The following FAM107B variants were observed in gnomAD, a reference collection of about 807,000 sequenced individuals.
FAM107B encodes the protein family with sequence similarity 107 member B.
Under a neutral mutation model 31.5 loss-of-function variants are expected in FAM107B, and 21 were observed. The observed-to-expected ratio is 0.67, with a 90% confidence interval of 0.47 to 0.96. The LOEUF (loss-of-function observed/expected upper bound fraction) is 0.96, where lower values mean the gene tolerates loss of function less well. Among genes scored for constraint, FAM107B ranks in the 40% least tolerant of loss-of-function variants. FAM107B has a pLI of 0.00. For missense variants in FAM107B, 452 were observed against 377.1 expected (o/e 1.20, Z -1.64); for synonymous variants, 157 against 141.5 (o/e 1.11, Z -0.78).
intron 2 of FAM107B, among the ~76,000 whole-genome samples, chr10:14,646,276 T>C (rs1324513690): frequency 6.6e-6 from 1 of 152,178 alleles, no homozygotes; most frequent in African/African-American, 2.4e-5. Flanking sequence ...GCCTTTAGTG[T>C]ACCTGTCACC....
At chr10:14,724,509 A>G (rs1409747869) in intron 1 of FAM107B, among the ~76,000 whole-genome samples, 1 of 152,184 alleles carries the variant, frequency 6.6e-6, no homozygotes, top group Admixed American at 6.5e-5. Context: ...TTTGTAGGAA[A>G]TTTTGCAGAT....
intron 1 of FAM107B, among the ~76,000 whole-genome samples, chr10:14,723,009 G>A (rs1199854757): frequency 2.0e-5 from 3 of 152,098 alleles, no homozygotes; most frequent in Non-Finnish European, 4.4e-5. Flanking sequence ...TGAGGTAGGG[G>A]TCCAATGGCC....
chr10:14,520,977 G>A lies in FAM107B; in HGVS notation c.*213C>T, dbSNP rs547516740. On this transcript the variant is annotated 3_prime_UTR_variant, in exon 5 of 5. Coordinates refer to ENST00000181796, the MANE Select transcript of FAM107B (RefSeq NM_031453.4). ...ACACAGGTCCATCATTCCAACTTAC[G>A]TGCGGGGCACTGCCCTTCATTTGGC... The A allele has an allele frequency of 5.6e-5, 27 of 480,426 alleles. No individual in the cohort carries two copies. Among genetic ancestry groups the A allele is most frequent in the Admixed American group, 3.2e-4 (8 of 24,978 alleles). 29.8% of individuals were successfully genotyped at this position (480,426 alleles called of 1,614,324 possible).
chr10:14,534,272 G>A (rs950870744), intron 2 of FAM107B, among the ~76,000 whole-genome samples: 4 of 152,230 alleles, frequency 2.6e-5, no homozygotes, highest in East Asian at 1.9e-4. Flanking sequence ...GGGTGAACGG[G>A]CCGGAGCAAC....
At chr10:14,579,319 A>G (rs1011784111) in intron 2 of FAM107B, among the ~76,000 whole-genome samples, 2 of 152,256 alleles carry the variant, frequency 1.3e-5, no homozygotes, top group African/African-American at 4.8e-5. Context: ...GAATGAAAAC[A>G]AACTAAACTC....
chr10:14,766,771 A>AT (rs887076118), intron 1 of FAM107B, among the ~76,000 whole-genome samples: 3 of 151,500 alleles, frequency 2.0e-5, no homozygotes, highest in African/African-American at 7.3e-5. Flanking sequence ...GAAAATCTGA[A>AT]TAGACCTATA....
intron 2 of FAM107B, among the ~76,000 whole-genome samples, chr10:14,625,228 A>T (rs1384815259): frequency 1.0e-4 from 15 of 148,710 alleles, no homozygotes; most frequent in African/African-American, 1.5e-4. Flanking sequence ...TGTCTCAGAA[A>T]AAAAAAAAAA....
intron 2 of FAM107B, among the ~76,000 whole-genome samples, chr10:14,644,560 G>C (rs1158421473): frequency 6.6e-6 from 1 of 152,224 alleles, no homozygotes; most frequent in Non-Finnish European, 1.5e-5. Context: ...CTCAGAAAAT[G>C]TGAAAATATC....
intron 2 of FAM107B, among the ~76,000 whole-genome samples, chr10:14,535,887 CA>C (rs777947574): frequency 6.6e-6 from 1 of 152,348 alleles, no homozygotes; most frequent in Non-Finnish European, 1.5e-5. Flanking sequence ...TGGGAAATCC[CA>C]TGCTTACAGA....
At chr10:14,703,338 T>A (rs1455457481) in intron 1 of FAM107B, among the ~76,000 whole-genome samples, 1 of 151,128 alleles carries the variant, frequency 6.6e-6, no homozygotes, top group Non-Finnish European at 1.5e-5. Flanking sequence ...TTTTTTTTTT[T>A]TTTTTTCTGA....
intron 1 of FAM107B, among the ~76,000 whole-genome samples, chr10:14,683,456 G>C (rs903765639): frequency 2.0e-5 from 3 of 152,218 alleles, no homozygotes; most frequent in African/African-American, 7.2e-5. Context: ...TTCGTTGCAC[G>C]GTGGAAATTT....
intron 2 of FAM107B, among the ~76,000 whole-genome samples, chr10:14,562,924 C>T (rs1252678227): frequency 6.6e-6 from 1 of 152,226 alleles, no homozygotes; most frequent in East Asian, 1.9e-4. Flanking sequence ...AGAAATAGAA[C>T]TTGCCTGAGC....
intron 1 of FAM107B, among the ~76,000 whole-genome samples, chr10:14,696,414 C>A (rs1432741580): frequency 6.6e-6 from 1 of 152,104 alleles, no homozygotes; most frequent in Non-Finnish European, 1.5e-5. Context: ...AGGATTTTTG[C>A]ATCAGTATTC....
At chr10:14,717,923 CA>C (rs1162755418) in intron 1 of FAM107B, among the ~76,000 whole-genome samples, 1 of 152,164 alleles carries the variant, frequency 6.6e-6, no homozygotes, top group Non-Finnish European at 1.5e-5. Context: ...ATTCTGCTTA[CA>C]GCCCAGAGAA....
At chr10:14,558,854 A>G (rs1351976774) in intron 2 of FAM107B, among the ~76,000 whole-genome samples, 1 of 152,204 alleles carries the variant, frequency 6.6e-6, no homozygotes, top group Non-Finnish European at 1.5e-5. Context: ...CAAAAGCTCT[A>G]TATGAAGGGG....
intron 2 of FAM107B, among the ~76,000 whole-genome samples, chr10:14,599,092 A>G (rs1011298588): frequency 6.6e-6 from 1 of 152,222 alleles, no homozygotes; most frequent in Non-Finnish European, 1.5e-5. Context: ...GAGAATGAGG[A>G]GGCACAACCC....
In FAM107B at chr10:14,521,378, C is replaced by T. The variant is rs12246613; in HGVS notation, c.805-72G>A. ...CTTTCAAAATACTCTTCTCTCTTTT[C>T]AAAGTCCCTGACAACTTTACTTCCC... is the stretch of plus-strand genomic sequence containing the variant. On this transcript the variant is annotated intron_variant, in intron 4 of 4. Coordinates refer to ENST00000181796, the MANE Select transcript of FAM107B (RefSeq NM_031453.4). 523 of 1,275,558 alleles carry T rather than the reference C, an allele frequency of 4.1e-4. 1 individual carries two copies. In the African/African-American group the frequency reaches 7.1e-3, roughly 17 times the overall value. The allele number at this position is 1,275,558 out of a possible 1,614,324, so 79.0% of individuals were successfully genotyped here. A position where few individuals can be genotyped will look rare whatever the true frequency, so the allele number is the denominator to read the frequency against.
At chr10:14,627,040 A>G (rs896420205) in intron 2 of FAM107B, among the ~76,000 whole-genome samples, 2 of 152,084 alleles carry the variant, frequency 1.3e-5, no homozygotes, top group African/African-American at 4.8e-5. Context: ...GGATGCTCTT[A>G]ATTAGATATG....
At chr10:14,645,899 T>C (rs1302796283) in intron 2 of FAM107B, among the ~76,000 whole-genome samples, 2 of 152,216 alleles carry the variant, frequency 1.3e-5, no homozygotes, top group Non-Finnish European at 2.9e-5. Flanking sequence ...TACAGTTTTG[T>C]TGTTTTAATG....
Sources: gnomAD v4.1 joint callset for allele counts (sites outside exome capture counted in the v4.1 genomes callset) on GRCh38, gnomAD v4.1.1 for gene constraint, MANE v1.5 for transcripts, NCBI Gene and HGNC (gene_info 2026-07-23, HGNC 2026-07-21) for gene names.